The following SLK variants were observed in gnomAD, a reference collection of about 807,000 sequenced individuals.
SLK encodes STE20-like serine/threonine-protein kinase.
A neutral mutation model predicts 147.7 loss-of-function variants in SLK; 67 were observed. That is an observed-to-expected ratio of 0.45 (90% CI 0.37 to 0.56). The LOEUF (loss-of-function observed/expected upper bound fraction) is 0.56. Among genes scored for constraint, SLK ranks in the 20% least tolerant of loss-of-function variants. The pLI is 0.00. For synonymous variants in SLK, 441 were observed against 475.0 expected (o/e 0.93, Z 0.93); for missense variants, 1,136 against 1,438.8 (o/e 0.79, Z 3.41).
At chr10:103,984,692 G>A (rs1843990137) in intron 1 of SLK, among the ~76,000 whole-genome samples, 1 of 152,152 alleles carries the variant, frequency 6.6e-6, no homozygotes, top group African/African-American at 2.4e-5. Context: ...GGGATTCCAG[G>A]CATGAGCCAC....
intron 17 of SLK, among the ~76,000 whole-genome samples, chr10:104,021,195 A>G (rs1425811294): frequency 6.6e-6 from 1 of 152,224 alleles, no homozygotes; most frequent in Non-Finnish European, 1.5e-5. Context: ...TTAATTTACT[A>G]TAGTAGAACA....
rs754344562 is a variant in SLK, at chr10:104,003,226, A to T, written c.2048A>T (p.Lys683Ile). The change falls in exon 9 of 19, where the codon AAA becomes ATA. Residue 683 changes from lysine (K) to isoleucine (I), a missense_variant. Lys to Ile is a moderately radical substitution (Grantham distance 102). Coordinates refer to ENST00000369755, the MANE Select transcript of SLK (RefSeq NM_014720.4). ...GTCACTACTCAGATAGATAAAGAGA[A>T]AAAAGAAATTCCAGTGTCAATTAAA... ...SKVTTQIDKEKKEIPVSIKKE... is the reference protein window; with the variant it reads ...SKVTTQIDKEIKEIPVSIKKE... 1 of 1,611,580 alleles carries T rather than the reference A, an allele frequency of 6.2e-7. No individual in the cohort carries two copies. Among genetic ancestry groups the T allele is most frequent in the Admixed American group, 1.7e-5 (1 of 59,242 alleles).
At chr10:103,992,080 A>G (rs1376252077) in intron 2 of SLK, among the ~76,000 whole-genome samples, 1 of 150,696 alleles carries the variant, frequency 6.6e-6, no homozygotes, top group African/African-American at 2.4e-5. Context: ...AAGTCAAGAT[A>G]AGCACCTATC....
intron 18 of SLK, 30 bp downstream of exon 18, chr10:104,021,763 A>G: frequency 3.3e-6 from 4 of 1,217,538 alleles, no homozygotes; most frequent in Non-Finnish European, 4.8e-6. Context: ...TTAAAATGAT[A>G]TGTGTGTACT....
chr10:104,001,328 A>AT (rs1378534539), intron 7 of SLK, 116 bp from the exon 8 acceptor site: 40 of 812,674 alleles, frequency 4.9e-5, no homozygotes, highest in Non-Finnish European at 7.1e-5. Context: ...GTTTTCTGTC[A>AT]TTTTCCTGCC....
rs1172620832 is a variant in SLK, at chr10:103,992,211, A to AG, written c.316-386dup. 3.7e-4 allele frequency among the ~76,000 whole-genome samples: 48 copies of AG among 129,970 alleles called. No homozygotes were observed. In the South Asian group the frequency reaches 8.0e-3, roughly 22 times the overall value. The allele number at this position is 129,970 out of a possible 152,430, so 85.3% of individuals were successfully genotyped here. Reference sequence around the variant, plus strand: ...TTCAGGATTTATTCCTATTTAATACAGTTTAAAAAAACAAATGTATATTTG... The same window carrying AG: ...TTCAGGATTTATTCCTATTTAATACAGGTTTAAAAAAACAAATGTATATTTG... On this transcript the variant is annotated intron_variant, in intron 2 of 18. Coordinates refer to ENST00000369755, the MANE Select transcript of SLK (RefSeq NM_014720.4).
chr10:104,001,481 G>C lies in SLK; in HGVS notation c.902G>C (p.Arg301Pro). The C allele has an allele frequency of 6.2e-7, 1 of 1,614,056 alleles. No individual in the cohort carries two copies. Among genetic ancestry groups the C allele is most frequent in the Non-Finnish European group, 8.5e-7 (1 of 1,179,986 alleles). The change falls in exon 8 of 19, where the codon CGA becomes CCA. Residue 301 changes from arginine (R) to proline (P), a missense_variant. Arg to Pro is a moderately radical substitution (Grantham distance 103). This residue lies in a region of SLK where 141 missense variants were observed against 219.3 expected (regional missense o/e 0.64). Transcript: ENST00000369755. ...ACTGTTGATTCCAACAAACCCATCCGAGAATTGATTGCAGAGGCGAAGGCT... is the reference window on the plus strand; with the variant it reads ...ACTGTTGATTCCAACAAACCCATCCCAGAATTGATTGCAGAGGCGAAGGCT... Reference protein sequence around the residue: ...FVTVDSNKPIRELIAEAKAEV... With the variant: ...FVTVDSNKPIPELIAEAKAEV...
chr10:103,973,821 C>T (rs1287791690), intron 1 of SLK, among the ~76,000 whole-genome samples: 3 of 152,148 alleles, frequency 2.0e-5, no homozygotes, highest in Admixed American at 2.0e-4. Flanking sequence ...ACTTGCCTGT[C>T]TAAATATGTC....
chr10:103,986,162 G>T (rs1300928350), intron 1 of SLK, among the ~76,000 whole-genome samples: 1 of 152,166 alleles, frequency 6.6e-6, no homozygotes, highest in Admixed American at 6.5e-5. Flanking sequence ...TGGATGCGGG[G>T]ATGTTTTGGG....
rs890334198 is a variant in SLK at position 104,021,612 on chromosome 10, A to G, written c.3448-8A>G. Reference sequence around the variant, plus strand: ...TGAAATTTTTTTAAATCCCAACTTTATTTTCAGAATGAAAAATGCCACTTG... The same window carrying G: ...TGAAATTTTTTTAAATCCCAACTTTGTTTTCAGAATGAAAAATGCCACTTG... On this transcript the variant is annotated splice_polypyrimidine_tract_variant and splice_region_variant and intron_variant, in intron 17 of 18. Transcript: ENST00000369755. The G allele has an allele frequency of 6.4e-7, 1 of 1,550,594 alleles. No homozygotes were observed. Among genetic ancestry groups the G allele is most frequent in the Non-Finnish European group, 8.8e-7 (1 of 1,140,534 alleles).
At chr10:103,979,025 TA>T (rs1309435807) in intron 1 of SLK, among the ~76,000 whole-genome samples, 1 of 152,204 alleles carries the variant, frequency 6.6e-6, no homozygotes, top group South Asian at 2.1e-4. Context: ...TTAATTTTAA[TA>T]TTTTTTTGAG....
chr10:103,967,202 CG>C lies in SLK; in HGVS notation c.-542del, dbSNP rs1158510538. 1 of 151,974 alleles carries C rather than the reference CG, an allele frequency of 6.6e-6. No individual in the cohort carries two copies. The highest frequency in any genetic ancestry group is 1.5e-5 in the Non-Finnish European group (1 of 68,334). The allele number at this position is 151,974 out of a possible 1,614,324, so 9.4% of individuals were successfully genotyped here. A position where few individuals can be genotyped will look rare whatever the true frequency, so the allele number is the denominator to read the frequency against. On this transcript the variant is annotated 5_prime_UTR_variant, in exon 1 of 19. Coordinates refer to ENST00000369755, the MANE Select transcript of SLK (RefSeq NM_014720.4). Reference sequence around the variant, plus strand: ...GTGGGCTGGGGAGGGAGACAGGCGGCGGCGGCGGCGCCCCAGACCCGAGGGG... The same window carrying C: ...GTGGGCTGGGGAGGGAGACAGGCGGCGCGGCGGCGCCCCAGACCCGAGGGG...
At chr10:103,979,110 C>T (rs805670) in intron 1 of SLK, among the ~76,000 whole-genome samples, 62,365 of 152,006 alleles carry the variant, frequency 0.41, 12,913 homozygotes, top group African/African-American at 0.42. Context: ...CCGCTTCCCA[C>T]GTTCAAGTGA....
intron 18 of SLK, among the ~76,000 whole-genome samples, chr10:104,022,677 G>A (rs1275941784): frequency 1.3e-5 from 2 of 152,026 alleles, no homozygotes; most frequent in East Asian, 1.9e-4. Context: ...GTGCGATCTC[G>A]GCTCACTGCA....
chr10:103,980,753 G>T (rs967901289), intron 1 of SLK, among the ~76,000 whole-genome samples: 1 of 152,114 alleles, frequency 6.6e-6, no homozygotes, highest in African/African-American at 2.4e-5. Context: ...TGGATTGCTT[G>T]CATGTTTTAG....
rs1410809446 is a variant in SLK, at chr10:104,019,890, A to G, written c.3289A>G (p.Thr1097Ala). The change falls in exon 16 of 19, where the codon ACA (threonine) becomes GCA (alanine). Residue 1097 changes from threonine to alanine, a missense_variant. This residue lies in a region of SLK where 327 missense variants were observed against 457.5 expected (regional missense o/e 0.71). Transcript: ENST00000369755. ...KKSLRINSTA[T>A]PDQDRDKIKQ... ...GAGTTTGAGAATTAACTCAACAGCC[A>G]CACCAGATCAGGACCGTGATAAAAT... 1 of 1,613,998 alleles carries G rather than the reference A, an allele frequency of 6.2e-7. No homozygotes were observed. Among genetic ancestry groups the G allele is most frequent in the African/African-American group, 1.3e-5 (1 of 74,946 alleles).
chr10:104,002,877 G>A lies in SLK; in HGVS notation c.1699G>A (p.Glu567Lys). Residue 567 changes from glutamate (E) to lysine (K), a missense_variant, in exon 9 of 19, where the codon GAG (glutamate) becomes AAG (lysine). Physicochemically the swap from Glu to Lys is moderately conservative, Grantham distance 56 (BLOSUM62 1). This residue lies in a region of SLK where 516 missense variants were observed against 531.3 expected (regional missense o/e 0.97). Transcript: ENST00000369755. ...VAQKVDEDSA[E>K]DTQSNDGKEV... is the part of the protein sequence containing the mutation. ...TCAGAAAGTGGATGAAGACAGTGCT[G>A]AGGATACGCAGAGTAATGATGGGAA... 6.2e-7 allele frequency: 1 copy of A among 1,614,100 alleles called. No individual in the cohort carries two copies. The highest frequency in any genetic ancestry group is 8.5e-7 in the Non-Finnish European group (1 of 1,180,002).
At chr10:104,017,607 G>T (rs1056190443) in intron 13 of SLK, among the ~76,000 whole-genome samples, 1 of 152,124 alleles carries the variant, frequency 6.6e-6, no homozygotes, top group African/African-American at 2.4e-5. Flanking sequence ...AGCCTCCCTA[G>T]TAGCTGGGAT....
At chr10:104,015,781 T>C (rs1292212025) in intron 13 of SLK, among the ~76,000 whole-genome samples, 1 of 152,230 alleles carries the variant, frequency 6.6e-6, no homozygotes, top group Non-Finnish European at 1.5e-5. Context: ...CACTGGCTTA[T>C]ATTTACCTTT....
Sources: allele counts gnomAD v4.1 joint callset (sites outside exome capture counted in the v4.1 genomes callset), GRCh38; gene constraint gnomAD v4.1.1; regional missense constraint gnomAD v4.1.1; transcripts MANE v1.5; gene names NCBI Gene and HGNC (gene_info 2026-07-23, HGNC 2026-07-21).